The following RASA2 variants were observed in gnomAD, a reference collection of about 807,000 sequenced individuals.
RASA2 encodes the protein RAS p21 protein activator 2.
RASA2 carries 155 observed loss-of-function variants against 118.2 expected under a neutral mutation model. The observed-to-expected ratio is 1.31, with a 90% CI of 1.15 to 1.50. RASA2 has a LOEUF of 1.50. Ranked by LOEUF, RASA2 falls within the 40% of genes most tolerant of loss-of-function variation. The pLI is 0.00. For missense variants in RASA2, 1,016 were observed against 1,009.6 expected, an observed-to-expected ratio of 1.01 and a Z score of -0.09; for synonymous variants, 353 against 349.1, an observed-to-expected ratio of 1.01 and a Z score of -0.12.
In RASA2 at chr3:141,578,140, A is replaced by C. The variant is rs1205225835; in HGVS notation, c.1590+1034A>C. Among the ~76,000 whole-genome samples, 7 of 152,336 alleles carry C rather than the reference A, an allele frequency of 4.6e-5. No individual in the cohort carries two copies. The East Asian group carries it at 5.8e-4, about 13-fold the overall frequency. ...ATTTGGTCCTCCTAGCAACCTGGTA[A>C]GGTAAATTCTGTTATCATCCACATG... On this transcript the variant is annotated intron_variant, in intron 15 of 23. Coordinates refer to ENST00000286364, the MANE Select transcript of RASA2 (RefSeq NM_006506.5).
chr3:141,527,569 GGT>G (rs2082202311), intron 3 of RASA2, among the ~76,000 whole-genome samples: 1 of 151,964 alleles, frequency 6.6e-6, no homozygotes, highest in Non-Finnish European at 1.5e-5. Flanking sequence ...ATTTATGTCT[GGT>G]GTGGAATCTG....
At chr3:141,567,105 A>G (rs2082831570) in intron 9 of RASA2, among the ~76,000 whole-genome samples, 1 of 152,194 alleles carries the variant, frequency 6.6e-6, no homozygotes, top group Non-Finnish European at 1.5e-5. Flanking sequence ...ATAAAACTTG[A>G]AAACTATGAG....
intron 1 of RASA2, among the ~76,000 whole-genome samples, chr3:141,496,551 G>A (rs902053676): frequency 6.6e-6 from 1 of 152,204 alleles, no homozygotes; most frequent in South Asian, 2.1e-4. Context: ...GCAGCCAACA[G>A]ACATATGAAA....
intron 7 of RASA2, among the ~76,000 whole-genome samples, chr3:141,556,692 T>G (rs1162504793): frequency 6.6e-6 from 1 of 152,128 alleles, no homozygotes; most frequent in Admixed American, 6.5e-5. Flanking sequence ...CATGTTGCAG[T>G]TCATATCAAC....
chr3:141,516,548 C>A, intron 3 of RASA2, 117 bp downstream of exon 3: 1 of 768,414 alleles, frequency 1.3e-6, no homozygotes, highest in Non-Finnish European at 1.7e-6. Context: ...TGATCTTTTT[C>A]TGTAGACTAC....
intron 16 of RASA2, among the ~76,000 whole-genome samples, chr3:141,580,879 A>T (rs552741812): frequency 6.6e-6 from 1 of 151,884 alleles, no homozygotes; most frequent in East Asian, 1.9e-4. Context: ...TAAACAAGAC[A>T]AGAGAGCCTA....
intron 19 of RASA2, among the ~76,000 whole-genome samples, chr3:141,606,941 A>G (rs945947194): frequency 4.6e-5 from 7 of 152,198 alleles, no homozygotes; most frequent in Non-Finnish European, 1.0e-4. Flanking sequence ...ATGTTTGCTT[A>G]TAGTTTCTAT....
At chr3:141,592,816 GA>G (rs964937479) in intron 19 of RASA2, among the ~76,000 whole-genome samples, 2 of 147,562 alleles carry the variant, frequency 1.4e-5, no homozygotes, top group Admixed American at 6.7e-5. Flanking sequence ...TCTTTTTGAG[GA>G]AAAAAAAGAA....
At chr3:141,510,660 T>C (rs2081937366) in intron 1 of RASA2, among the ~76,000 whole-genome samples, 1 of 152,236 alleles carries the variant, frequency 6.6e-6, no homozygotes, top group African/African-American at 2.4e-5. Context: ...ATATTTGAGC[T>C]GAGACTGAAT....
At chr3:141,544,612 ATTC>A (rs938033325) in intron 5 of RASA2, among the ~76,000 whole-genome samples, 1 of 152,038 alleles carries the variant, frequency 6.6e-6, no homozygotes, top group Admixed American at 6.6e-5. Flanking sequence ...TTTATATTTG[ATTC>A]TTCTTTATAA....
chr3:141,522,966 G>C (rs2082132533), intron 3 of RASA2, among the ~76,000 whole-genome samples: 1 of 151,896 alleles, frequency 6.6e-6, no homozygotes, highest in Admixed American at 6.6e-5. Context: ...GAGTCTGCAG[G>C]GCCTGTTCCT....
At chr3:141,489,849 A>C (rs2081619414) in intron 1 of RASA2, among the ~76,000 whole-genome samples, 1 of 152,170 alleles carries the variant, frequency 6.6e-6, no homozygotes, top group Non-Finnish European at 1.5e-5. Flanking sequence ...TCTATTGGAC[A>C]AGAGGAAACT....
chr3:141,506,560 T>C (rs1344953810), intron 1 of RASA2, among the ~76,000 whole-genome samples: 1 of 152,176 alleles, frequency 6.6e-6, no homozygotes, highest in Non-Finnish European at 1.5e-5. Flanking sequence ...TTTGTGAATT[T>C]AAGGATAAAA....
chr3:141,610,058 T>C lies in RASA2; in HGVS notation c.2511T>C (p.Tyr837=). The C allele has an allele frequency of 6.4e-7, 1 of 1,572,994 alleles. No homozygotes were observed. The highest frequency in any genetic ancestry group is 8.6e-7 in the Non-Finnish European group (1 of 1,161,236). ...AGAAAAGATCCAGTAGTGCAAAATA[T>C]GGGAGCAAGTGAGTAATTTTTAAGC... The part of the protein sequence containing the change: ...YRKKRSSSAK[Y]GSKENPIVGK... The change falls in exon 23 of 24, where the codon TAT becomes TAC. Residue 837 remains tyrosine, a synonymous_variant. Coordinates refer to ENST00000286364, the MANE Select transcript of RASA2 (RefSeq NM_006506.5).
chr3:141,538,133 A>G (rs1328618834), intron 4 of RASA2, among the ~76,000 whole-genome samples: 1 of 151,212 alleles, frequency 6.6e-6, no homozygotes, highest in Non-Finnish European at 1.5e-5. Context: ...ACACACACAA[A>G]CTTGTTTTGC....
At chr3:141,599,056 C>A (rs2083420568) in intron 19 of RASA2, among the ~76,000 whole-genome samples, 1 of 152,024 alleles carries the variant, frequency 6.6e-6, no homozygotes, top group South Asian at 2.1e-4. Flanking sequence ...CCACTGCACT[C>A]CAGCCCCGGC....
chr3:141,527,215 G>A (rs2082197392), intron 3 of RASA2, among the ~76,000 whole-genome samples: 1 of 152,028 alleles, frequency 6.6e-6, no homozygotes, highest in Non-Finnish European at 1.5e-5. Flanking sequence ...TTGTTTTAGT[G>A]GTGTTTGTAT....
At chr3:141,500,062 A>G (rs549529281) in intron 1 of RASA2, among the ~76,000 whole-genome samples, 1 of 152,354 alleles carries the variant, frequency 6.6e-6, no homozygotes, top group African/African-American at 2.4e-5. Flanking sequence ...TCCAGCAGTC[A>G]CCATATGCCT....
intron 19 of RASA2, among the ~76,000 whole-genome samples, chr3:141,596,602 G>C (rs2083371656): frequency 6.6e-6 from 1 of 152,026 alleles, no homozygotes; most frequent in African/African-American, 2.4e-5. Context: ...CTTGTATCTA[G>C]AATTTTCAAA....
Sources: allele counts gnomAD v4.1 joint callset (sites outside exome capture counted in the v4.1 genomes callset), GRCh38; gene constraint gnomAD v4.1.1; transcripts MANE v1.5; gene names NCBI Gene and HGNC (gene_info 2026-07-23, HGNC 2026-07-21).